The following NEK1 variants were observed in gnomAD, a reference collection of about 807,000 sequenced individuals.
NEK1 encodes serine/threonine-protein kinase Nek1.
A neutral mutation model predicts 182.1 loss-of-function variants in NEK1; 137 were observed. That is an observed-to-expected ratio of 0.75 (90% CI 0.65 to 0.87). The LOEUF (loss-of-function observed/expected upper bound fraction) is 0.87, where lower values mean the gene tolerates loss of function less well. Among genes scored for constraint, NEK1 ranks in the 40% least tolerant of loss-of-function variants. The pLI is 0.00. For missense variants in NEK1, 1,391 were observed against 1,494.4 expected (o/e 0.93, Z 1.14); for synonymous variants, 513 against 492.2 (o/e 1.04, Z -0.56).
chr4:169,593,471 A>T (rs1028865933), intron 5 of NEK1, among the ~76,000 whole-genome samples: 1 of 152,212 alleles, frequency 6.6e-6, no homozygotes, highest in African/African-American at 2.4e-5. Context: ...AGCATACAGA[A>T]GGAGCGGCAA....
At chr4:169,596,548 C>G (rs1769525655) in intron 5 of NEK1, among the ~76,000 whole-genome samples, 1 of 152,134 alleles carries the variant, frequency 6.6e-6, no homozygotes. Context: ...TTAATAAAGT[C>G]ATAGACTCAG....
intron 5 of NEK1, among the ~76,000 whole-genome samples, chr4:169,597,627 G>C (rs1160961173): frequency 6.6e-6 from 1 of 151,620 alleles, no homozygotes; most frequent in Non-Finnish European, 1.5e-5. Flanking sequence ...CAGAGCGAGA[G>C]CCTATCTTAA....
intron 27 of NEK1, among the ~76,000 whole-genome samples, chr4:169,456,348 A>G (rs921519535): frequency 6.6e-6 from 1 of 152,170 alleles, no homozygotes. Context: ...GTAGTAGAAG[A>G]AAAGAAATAA....
At position 169,398,300 on chromosome 4, in the gene NEK1, GT is replaced by G. The variant is rs531913100; in HGVS notation, c.3847+1924del. On this transcript the variant is annotated intron_variant, in intron 35 of 35. Coordinates refer to ENST00000507142, the MANE Select transcript of NEK1 (RefSeq NM_001199397.3). ...GAAATTTTCTACCACTAAGACTTGAGTTTTTTTTTTTTTACTGGGGTTTATA... is the reference window on the plus strand; with the variant it reads ...GAAATTTTCTACCACTAAGACTTGAGTTTTTTTTTTTTACTGGGGTTTATA... Among the ~76,000 whole-genome samples, 776 of 143,726 alleles carry G rather than the reference GT, an allele frequency of 5.4e-3. 8 individuals carry two copies. Among genetic ancestry groups the G allele is most frequent in the African/African-American group, 0.016 (624 of 39,452 alleles). The allele number at this position is 143,726 out of a possible 152,430, so 94.3% of individuals were successfully genotyped here.
At chr4:169,425,139 A>G (rs1736153345) in intron 30 of NEK1, among the ~76,000 whole-genome samples, 1 of 149,042 alleles carries the variant, frequency 6.7e-6, no homozygotes, top group Admixed American at 6.6e-5. Context: ...GTTTGAAACC[A>G]GCCTGAGCAA....
chr4:169,541,939 G>C (rs528669741), intron 18 of NEK1, among the ~76,000 whole-genome samples: 27 of 152,230 alleles, frequency 1.8e-4, no homozygotes, highest in African/African-American at 6.5e-4. Flanking sequence ...CCTGGGTCTA[G>C]TTCCTCTTTT....
intron 12 of NEK1, among the ~76,000 whole-genome samples, chr4:169,569,881 G>A (rs1236562629): frequency 5.9e-5 from 9 of 152,204 alleles, no homozygotes; most frequent in Non-Finnish European, 1.3e-4. Context: ...GCCTTCCAAA[G>A]TGCCGAGATT....
chr4:169,556,159 C>A, intron 16 of NEK1, 64 bp from the exon 17 acceptor site: 1 of 1,429,268 alleles, frequency 7.0e-7, no homozygotes, highest in Admixed American at 2.7e-5. Context: ...CTGTACTAGT[C>A]TCAAAAGAAA....
In NEK1 at chr4:169,494,092, ATTTC is replaced by A. The variant is rs551740651; in HGVS notation, c.2007+12941_2007+12944del. On this transcript the variant is annotated intron_variant, in intron 23 of 35. Transcript: ENST00000507142. ...GGGAATCCCATCAGACTCACAACGGATTTCTTTCTTTTTTTTTTTTTTATACTTT... is the reference window on the plus strand; with the variant it reads ...GGGAATCCCATCAGACTCACAACGGATTTCTTTTTTTTTTTTTTATACTTT... 1.2e-3 allele frequency among the ~76,000 whole-genome samples: 176 copies of A among 149,074 alleles called. 1 individual carries two copies. The highest frequency in any genetic ancestry group is 3.7e-3 in the African/African-American group (147 of 40,012).
chr4:169,562,151 T>A lies in NEK1; in HGVS notation c.1066A>T (p.Arg356Trp). ...EKRVNTGEER[R>W]KISEEAARKR... The stretch of plus-strand genomic sequence containing the variant: ...TGTCTTTATACCTCAGATATTTTCC[T>A]CCTTTCTTCTCCAGTATTCACTCTC... Residue 356 changes from arginine (R) to tryptophan (W), a missense_variant, in exon 13 of 36, where the codon AGG (arginine) becomes TGG (tryptophan). Physicochemically the swap from Arg to Trp is moderately radical, Grantham distance 101. Transcript: ENST00000507142. 2 of 1,544,498 alleles carry A rather than the reference T, an allele frequency of 1.3e-6. No individual in the cohort carries two copies. The highest frequency in any genetic ancestry group is 1.8e-6 in the Non-Finnish European group (2 of 1,141,598).
rs1250194548 is a variant in NEK1 at position 169,479,504 on chromosome 4, C to T, written c.2038G>A (p.Val680Ile). The T allele has an allele frequency of 6.2e-7, 1 of 1,609,842 alleles. No individual in the cohort carries two copies. Among genetic ancestry groups the T allele is most frequent in the East Asian group, 2.2e-5 (1 of 44,790 alleles). ...TCATGCTGTCCCAAAGGTGGAGAAA[C>T]ATCAGAACTCTTAACTCCTTTAGCC... The part of the protein sequence containing the change: ...LVAKGVKSSD[V>I]SPPLGQHETG... Residue 680 changes from valine (V) to isoleucine (I), a missense_variant, in exon 24 of 36, where the codon GTT becomes ATT. Physicochemically the swap from Val to Ile is conservative, Grantham distance 29. Coordinates refer to ENST00000507142, the MANE Select transcript of NEK1 (RefSeq NM_001199397.3).
intron 26 of NEK1, among the ~76,000 whole-genome samples, chr4:169,476,568 C>T (rs1265148360): frequency 4.6e-5 from 7 of 152,078 alleles, no homozygotes; most frequent in Non-Finnish European, 7.4e-5. Context: ...AAAAAAATTA[C>T]TTAAAATCAG....
In NEK1 at chr4:169,570,449, G is replaced by A. The variant is rs538523370; in HGVS notation, c.1020+6479C>T. On this transcript the variant is annotated intron_variant, in intron 12 of 35. Coordinates refer to ENST00000507142, the MANE Select transcript of NEK1 (RefSeq NM_001199397.3). ...ACCAGGCCAGCCGCCCAGTCTGGGA[G>A]GGAGGTGGGGGGATCAGCCCCCCGC... 2.1e-3 allele frequency among the ~76,000 whole-genome samples: 325 copies of A among 151,476 alleles called. 1 individual carries two copies. The highest frequency in any genetic ancestry group is 6.7e-3 in the African/African-American group (277 of 41,256).
chr4:169,446,777 C>T (rs893153207), intron 27 of NEK1, among the ~76,000 whole-genome samples: 1 of 152,042 alleles, frequency 6.6e-6, no homozygotes, highest in Non-Finnish European at 1.5e-5. Flanking sequence ...CTGATGAATG[C>T]ATAAGAGTCC....
At chr4:169,488,618 G>A (rs1202325341) in intron 23 of NEK1, among the ~76,000 whole-genome samples, 2 of 152,032 alleles carry the variant, frequency 1.3e-5, no homozygotes, top group Non-Finnish European at 2.9e-5. Flanking sequence ...TTATACTTTT[G>A]AGAATCCAAG....
chr4:169,493,460 A>G (rs1345627503), intron 23 of NEK1, among the ~76,000 whole-genome samples: 2 of 152,244 alleles, frequency 1.3e-5, no homozygotes, highest in African/African-American at 4.8e-5. Flanking sequence ...AATATCTAAA[A>G]TGATACATAA....
At chr4:169,428,452 T>C (rs560324782) in intron 29 of NEK1, among the ~76,000 whole-genome samples, 2 of 149,274 alleles carry the variant, frequency 1.3e-5, no homozygotes, top group Admixed American at 1.4e-4. Context: ...AAACAGTATG[T>C]TAAGTAAAAG....
intron 23 of NEK1, among the ~76,000 whole-genome samples, chr4:169,503,694 T>C (rs892811367): frequency 1.3e-5 from 2 of 152,156 alleles, no homozygotes; most frequent in Non-Finnish European, 2.9e-5. Flanking sequence ...TAGACTCCTA[T>C]CTTTTGCCAT....
intron 26 of NEK1, 138 bp from the exon 27 acceptor site, chr4:169,463,533 GAA>G (rs1433253261): frequency 2.8e-5 from 13 of 457,764 alleles, no homozygotes; most frequent in Non-Finnish European, 4.8e-5. Flanking sequence ...TTCAGGGAAA[GAA>G]TGATGAATAA....
Sources: gnomAD v4.1 joint callset for allele counts (sites outside exome capture counted in the v4.1 genomes callset) on GRCh38, gnomAD v4.1.1 for gene constraint, MANE v1.5 for transcripts, NCBI Gene and HGNC (gene_info 2026-07-23, HGNC 2026-07-21) for gene names.